The following DDX10 variants were observed in gnomAD, a reference collection of about 807,000 sequenced individuals.
DDX10 encodes DEAD-box helicase 10.
Under a neutral mutation model 104.3 loss-of-function variants are expected in DDX10, and 74 were observed. The ratio of observed to expected loss-of-function variants is 0.71; its 90% CI spans 0.59 to 0.86. The LOEUF is 0.86. Ranked by LOEUF, DDX10 falls within the 40% of genes least tolerant of loss-of-function variation. The pLI, the probability that DDX10 is intolerant of heterozygous loss-of-function variation, is 0.00. For synonymous variants in DDX10, 351 were observed against 353.4 expected (o/e 0.99, Z 0.08); for missense variants, 952 against 1,040.0 (o/e 0.92, Z 1.16).
chr11:108,861,153 A>C (rs1364154928), intron 16 of DDX10, among the ~76,000 whole-genome samples: 1 of 151,508 alleles, frequency 6.6e-6, no homozygotes, highest in Non-Finnish European at 1.5e-5. Flanking sequence ...AATATAAAGC[A>C]GGCAGAAAAA....
intron 9 of DDX10, among the ~76,000 whole-genome samples, chr11:108,697,167 A>AT (rs1293521082): frequency 6.7e-6 from 1 of 149,252 alleles, no homozygotes; most frequent in Admixed American, 6.7e-5. Context: ...AATTAAAAGT[A>AT]TTTTTACTTG....
intron 6 of DDX10, among the ~76,000 whole-genome samples, chr11:108,680,381 A>G (rs554000139): frequency 1.3e-5 from 2 of 152,256 alleles, no homozygotes; most frequent in Non-Finnish European, 2.9e-5. Flanking sequence ...TGCGTGGCTA[A>G]TTTTAAAATT....
At position 108,721,414 on chromosome 11, in the gene DDX10, T is replaced by C. The variant is rs115882219; in HGVS notation, c.1499+1529T>C. Among the ~76,000 whole-genome samples, 169 of 152,340 alleles carry C rather than the reference T, an allele frequency of 1.1e-3. 2 individuals carry two copies. The highest frequency in any genetic ancestry group is 3.9e-3 in the African/African-American group (164 of 41,592). The stretch of plus-strand genomic sequence containing the variant: ...GGTTATTAGTGGACTTTTGGCTCCC[T>C]GTTAATTTTTATCATGGTTTTCTGA... On this transcript the variant is annotated intron_variant, in intron 12 of 17. Transcript: ENST00000322536.
rs142381520 is a variant in DDX10, at chr11:108,837,607, C to CTTTTTTTTTTTTTTTTTTTTTTTTTT, written c.1966-829_1966-804dup. Among the ~76,000 whole-genome samples the CTTTTTTTTTTTTTTTTTTTTTTTTTT allele has an allele frequency of 3.2e-4, 11 of 34,748 alleles. 4 individuals carry two copies. Among genetic ancestry groups the CTTTTTTTTTTTTTTTTTTTTTTTTTT allele is most frequent in the African/African-American group, 5.0e-4 (4 of 7,928 alleles). The allele number at this position is 34,748 out of a possible 152,430, so 22.8% of individuals were successfully genotyped here. A position where few individuals can be genotyped will look rare whatever the true frequency, so the allele number is the denominator to read the frequency against. Reference sequence around the variant, plus strand: ...TTCTGCATCTCACCTTTGGATACAGCTTTTTTTTTTTTTTTTTTTTTTTTT... The same window carrying CTTTTTTTTTTTTTTTTTTTTTTTTTT: ...TTCTGCATCTCACCTTTGGATACAGCTTTTTTTTTTTTTTTTTTTTTTTTTTTTTTTTTTTTTTTTTTTTTTTTTTT... On this transcript the variant is annotated intron_variant, in intron 13 of 17. Transcript: ENST00000322536.
chr11:108,884,782 CTT>C (rs1863272893), intron 16 of DDX10, among the ~76,000 whole-genome samples: 1 of 152,150 alleles, frequency 6.6e-6, no homozygotes, highest in Non-Finnish European at 1.5e-5. Context: ...TCTTATTGTA[CTT>C]TTCAAAGATT....
chr11:108,724,137 C>G lies in DDX10; in HGVS notation c.1965+675C>G, dbSNP rs574149676. ...TTCATATGCCTTTATTCTTGATCAT[C>G]TTTTTAAAAGGGAATTGAATAAAAA... is the stretch of plus-strand genomic sequence containing the variant. On this transcript the variant is annotated intron_variant, in intron 13 of 17. Transcript: ENST00000322536. Among the ~76,000 whole-genome samples the G allele has an allele frequency of 7.2e-5, 11 of 152,092 alleles. No individual in the cohort carries two copies. The East Asian group carries it at 2.1e-3, about 29-fold the overall frequency.
At chr11:108,761,294 G>T (rs1220260607) in intron 13 of DDX10, among the ~76,000 whole-genome samples, 1 of 152,086 alleles carries the variant, frequency 6.6e-6, no homozygotes, top group East Asian at 1.9e-4. Flanking sequence ...TTAAATGTTA[G>T]AAAAATGTTA....
At chr11:108,853,821 G>A (rs1043570907) in intron 16 of DDX10, among the ~76,000 whole-genome samples, 13 of 152,150 alleles carry the variant, frequency 8.5e-5, no homozygotes, top group Admixed American at 4.6e-4. Flanking sequence ...AAAAAAGGAG[G>A]AAGATTTTTC....
rs576078533 is a variant in DDX10 at position 108,730,719 on chromosome 11, G to A, written c.1965+7257G>A. Reference sequence around the variant, plus strand: ...TCTAAATGATATACTTATGTAGGCCGAGCTTTATAATTTAATTTGGATAGT... The same window carrying A: ...TCTAAATGATATACTTATGTAGGCCAAGCTTTATAATTTAATTTGGATAGT... On this transcript the variant is annotated intron_variant, in intron 13 of 17. Coordinates refer to ENST00000322536, the MANE Select transcript of DDX10 (RefSeq NM_004398.4). 3.2e-4 allele frequency among the ~76,000 whole-genome samples: 48 copies of A among 152,214 alleles called. No homozygotes were observed. The South Asian group carries it at 9.3e-3, about 30-fold the overall frequency.
intron 13 of DDX10, among the ~76,000 whole-genome samples, chr11:108,815,183 G>A (rs1862238598): frequency 6.6e-6 from 1 of 152,096 alleles, no homozygotes; most frequent in African/African-American, 2.4e-5. Flanking sequence ...TTACCTTTTG[G>A]TTTATATACT....
chr11:108,915,699 G>T (rs1210335302), intron 16 of DDX10, among the ~76,000 whole-genome samples: 1 of 152,008 alleles, frequency 6.6e-6, no homozygotes, highest in East Asian at 1.9e-4. Flanking sequence ...TATGGTTTCA[G>T]TTTTCATATG....
At chr11:108,917,197 T>G (rs1299336396) in intron 16 of DDX10, among the ~76,000 whole-genome samples, 2 of 150,978 alleles carry the variant, frequency 1.3e-5, no homozygotes, top group Non-Finnish European at 2.9e-5. Context: ...CTGGAGTAGC[T>G]AGGACTACAG....
intron 13 of DDX10, among the ~76,000 whole-genome samples, chr11:108,736,441 C>CTTAT (rs1295296080): frequency 6.6e-6 from 1 of 152,026 alleles, no homozygotes; most frequent in African/African-American, 2.4e-5. Flanking sequence ...GGGATTTGGC[C>CTTAT]TTATAAGTGA....
chr11:108,761,722 T>G (rs2094351074), intron 13 of DDX10, among the ~76,000 whole-genome samples: 1 of 152,138 alleles, frequency 6.6e-6, no homozygotes, highest in African/African-American at 2.4e-5. Context: ...TACTCCAACT[T>G]ACATATCTTT....
At chr11:108,787,134 G>A (rs944857516) in intron 13 of DDX10, among the ~76,000 whole-genome samples, 1 of 152,168 alleles carries the variant, frequency 6.6e-6, no homozygotes, top group Non-Finnish European at 1.5e-5. Flanking sequence ...GTTCTTGGCT[G>A]TAATTTATTT....
At chr11:108,881,233 G>T (rs906311123) in intron 16 of DDX10, among the ~76,000 whole-genome samples, 2 of 152,096 alleles carry the variant, frequency 1.3e-5, no homozygotes, top group Admixed American at 1.3e-4. Context: ...TGGGGAGGCT[G>T]TTAAGTTTTA....
At chr11:108,746,177 G>A (rs550687007) in intron 13 of DDX10, among the ~76,000 whole-genome samples, 2 of 152,164 alleles carry the variant, frequency 1.3e-5, no homozygotes, top group Non-Finnish European at 2.9e-5. Context: ...ACAAGTGAAG[G>A]AAATTCACTT....
intron 13 of DDX10, among the ~76,000 whole-genome samples, chr11:108,728,658 G>A (rs1262963937): frequency 6.6e-6 from 1 of 151,844 alleles, no homozygotes; most frequent in Non-Finnish European, 1.5e-5. Flanking sequence ...AGGACTTCAG[G>A]TGTATGCTAC....
intron 13 of DDX10, among the ~76,000 whole-genome samples, chr11:108,824,636 C>G (rs1862371611): frequency 6.6e-6 from 1 of 152,114 alleles, no homozygotes; most frequent in African/African-American, 2.4e-5. Context: ...GGCACCGTTT[C>G]TCTAAATTGC....
Sources: allele counts gnomAD v4.1 joint callset (sites outside exome capture counted in the v4.1 genomes callset), GRCh38; gene constraint gnomAD v4.1.1; transcripts MANE v1.5; gene names NCBI Gene and HGNC (gene_info 2026-07-23, HGNC 2026-07-21).